The following TPST1 variants were observed in gnomAD, a reference collection of about 807,000 sequenced individuals.
TPST1 encodes tyrosylprotein sulfotransferase 1, also known as protein-tyrosine sulfotransferase 1.
In TPST1, 20 loss-of-function variants were observed where a neutral mutation model predicts 34.8. The ratio of observed to expected loss-of-function variants is 0.57; its 90% confidence interval spans 0.40 to 0.84. The LOEUF (loss-of-function observed/expected upper bound fraction) is 0.84. Among genes scored for constraint, TPST1 ranks in the 40% least tolerant of loss-of-function variants. TPST1 has a pLI of 0.00. For synonymous variants in TPST1, 152 were observed against 159.4 expected, an observed-to-expected ratio of 0.95 and a Z score of 0.35; for missense variants, 353 against 455.5, an observed-to-expected ratio of 0.78 and a Z score of 2.05.
intron 2 of TPST1, among the ~76,000 whole-genome samples, chr7:66,244,780 A>T (rs1239644191): frequency 6.6e-6 from 1 of 152,270 alleles, no homozygotes; most frequent in Non-Finnish European, 1.5e-5. Flanking sequence ...AGAAAAGCAG[A>T]TTAATGTAAC....
At chr7:66,303,265 G>GAA (rs140405921) in intron 3 of TPST1, among the ~76,000 whole-genome samples, 5 of 146,958 alleles carry the variant, frequency 3.4e-5, no homozygotes, top group Non-Finnish European at 7.5e-5. Flanking sequence ...TTTCTGGTCT[G>GAA]AAAAAAAAAA....
At chr7:66,265,833 A>G (rs1790582432) in intron 2 of TPST1, among the ~76,000 whole-genome samples, 1 of 152,234 alleles carries the variant, frequency 6.6e-6, no homozygotes, top group African/African-American at 2.4e-5. Flanking sequence ...CCAGAAGGCA[A>G]TGGGTTGATG....
chr7:66,301,273 A>T (rs1221931000), intron 3 of TPST1, among the ~76,000 whole-genome samples: 1 of 152,238 alleles, frequency 6.6e-6, no homozygotes, highest in African/African-American at 2.4e-5. Flanking sequence ...ATTGAAGAGA[A>T]TTAGGGCCTT....
At chr7:66,280,182 A>G (rs140975984) in intron 2 of TPST1, among the ~76,000 whole-genome samples, 3 of 152,312 alleles carry the variant, frequency 2.0e-5, no homozygotes, top group East Asian at 1.9e-4. Flanking sequence ...GCTTCTGCCT[A>G]TTGTGGTCAT....
chr7:66,218,287 G>A (rs1248036846), intron 1 of TPST1, among the ~76,000 whole-genome samples: 1 of 152,016 alleles, frequency 6.6e-6, no homozygotes, highest in Admixed American at 6.6e-5. Flanking sequence ...CCTTTTGTAT[G>A]CTCTTTTTAT....
intron 2 of TPST1, among the ~76,000 whole-genome samples, chr7:66,264,026 T>C (rs1263694488): frequency 6.6e-6 from 1 of 152,240 alleles, no homozygotes; most frequent in Non-Finnish European, 1.5e-5. Flanking sequence ...CCTGTGTTTC[T>C]GTACTGGAGG....
intron 1 of TPST1, among the ~76,000 whole-genome samples, chr7:66,211,821 C>A (rs1007970665): frequency 2.0e-5 from 3 of 152,128 alleles, no homozygotes; most frequent in Non-Finnish European, 4.4e-5. Context: ...CAATAATTAG[C>A]TGGGCATGGT....
chr7:66,254,267 G>T (rs983495914), intron 2 of TPST1, among the ~76,000 whole-genome samples: 1 of 152,060 alleles, frequency 6.6e-6, no homozygotes, highest in African/African-American at 2.4e-5. Context: ...TATTTAGGTC[G>T]TCTACAATAT....
chr7:66,341,768 G>A (rs553650080), intron 3 of TPST1, among the ~76,000 whole-genome samples: 7 of 152,276 alleles, frequency 4.6e-5, no homozygotes, highest in Non-Finnish European at 8.8e-5. Flanking sequence ...ATGTACCTCG[G>A]AGATAACAAA....
chr7:66,213,529 G>T (rs909966062), intron 1 of TPST1, among the ~76,000 whole-genome samples: 1 of 152,198 alleles, frequency 6.6e-6, no homozygotes, highest in East Asian at 1.9e-4. Flanking sequence ...GCCGAGGCGG[G>T]CAGATCACGA....
intron 2 of TPST1, among the ~76,000 whole-genome samples, chr7:66,279,639 G>T (rs956974403): frequency 6.6e-5 from 10 of 152,288 alleles, no homozygotes; most frequent in Admixed American, 5.9e-4. Flanking sequence ...ACAGCTCATA[G>T]ATCAGAAACG....
At chr7:66,329,596 A>G (rs1470371342) in intron 3 of TPST1, among the ~76,000 whole-genome samples, 5 of 152,204 alleles carry the variant, frequency 3.3e-5, no homozygotes, top group Admixed American at 6.5e-5. Flanking sequence ...CCAGTATATG[A>G]CACTTTGTTC....
At chr7:66,202,845 G>A (rs532437641), upstream of TPST1, among the ~76,000 whole-genome samples, 321 of 152,198 alleles carry the variant, frequency 2.1e-3, no homozygotes, top group Non-Finnish European at 2.4e-3. Flanking sequence ...AGGTGGAGCC[G>A]GGCAGATCAT....
chr7:66,254,496 C>T (rs960180694), intron 2 of TPST1, among the ~76,000 whole-genome samples: 4 of 152,098 alleles, frequency 2.6e-5, no homozygotes, highest in Admixed American at 6.5e-5. Flanking sequence ...CTCCGCCTCC[C>T]GGATTCAGGA....
rs747756142 is a variant in TPST1, at chr7:66,332,504, C to T, written c.1045-20001C>T. ...GCCAGGCTGGTCTTGAACTCCTGAC[C>T]TCAGGTGATCCACCCGCCTCGGCCT... On this transcript the variant is annotated intron_variant, in intron 3 of 5. Coordinates refer to ENST00000304842, the MANE Select transcript of TPST1 (RefSeq NM_003596.4). This position sits in a 1 kb window ranked among gnomAD's most constrained non-coding sequence, Gnocchi z 4.5. Among the ~76,000 whole-genome samples, 2 of 152,114 alleles carry T rather than the reference C, an allele frequency of 1.3e-5. No individual in the cohort carries two copies. Among genetic ancestry groups the T allele is most frequent in the African/African-American group, 4.8e-5 (2 of 41,412 alleles).
At chr7:66,355,543 A>G (rs1584264405) in intron 4 of TPST1, among the ~76,000 whole-genome samples, 1 of 151,484 alleles carries the variant, frequency 6.6e-6, no homozygotes, top group South Asian at 2.1e-4. Context: ...TCGTAAGGGA[A>G]TTTTTTTTTA....
chr7:66,260,343 G>T (rs900171377), intron 2 of TPST1, among the ~76,000 whole-genome samples: 1 of 152,170 alleles, frequency 6.6e-6, no homozygotes, highest in South Asian at 2.1e-4. Context: ...TCTGTGTTAA[G>T]TATGTGTGGA....
intron 2 of TPST1, among the ~76,000 whole-genome samples, chr7:66,274,134 C>T (rs940066928): frequency 1.7e-4 from 26 of 151,722 alleles, no homozygotes; most frequent in African/African-American, 5.5e-4. Context: ...TTTGGGAGGC[C>T]GAGGTGGGTG....
intron 3 of TPST1, among the ~76,000 whole-genome samples, chr7:66,303,114 G>A (rs1221124158): frequency 6.6e-6 from 1 of 152,042 alleles, no homozygotes; most frequent in Non-Finnish European, 1.5e-5. Flanking sequence ...ACCTTTACTT[G>A]TGTACTTTCA....
Sources: gnomAD v4.1 joint callset for allele counts (sites outside exome capture counted in the v4.1 genomes callset) on GRCh38, gnomAD v4.1.1 for gene constraint, Gnocchi (gnomAD v3.1) non-coding constraint, MANE v1.5 for transcripts, NCBI Gene and HGNC (gene_info 2026-07-23, HGNC 2026-07-21) for gene names.